PDS5B: variants seen among roughly 807,000 people sequenced by gnomAD.
PDS5B encodes sister chromatid cohesion protein PDS5 homolog B.
Under a neutral mutation model 184.1 loss-of-function variants are expected in PDS5B, and 51 were observed. That is an observed-to-expected ratio of 0.28 (90% CI 0.22 to 0.35). The LOEUF (loss-of-function observed/expected upper bound fraction) is 0.35. Among genes scored for constraint, PDS5B ranks in the 10% least tolerant of loss-of-function variants. The pLI is 1.00. For synonymous variants in PDS5B, 566 were observed against 569.2 expected, an observed-to-expected ratio of 0.99 and a Z score of 0.08; for missense variants, 1,180 against 1,723.3, an observed-to-expected ratio of 0.68 and a Z score of 5.58.
intron 1 of PDS5B, among the ~76,000 whole-genome samples, chr13:32,605,702 C>CT (rs1566240824): frequency 6.6e-6 from 1 of 152,144 alleles, no homozygotes. Context: ...GTGTGGGAGT[C>CT]TAAGTCTCTT....
intron 17 of PDS5B, among the ~76,000 whole-genome samples, chr13:32,706,418 G>T (rs1952018857): frequency 6.6e-6 from 1 of 151,936 alleles, no homozygotes; most frequent in African/African-American, 2.4e-5. Flanking sequence ...TTCTAATGAG[G>T]TTTTATTGTA....
intron 23 of PDS5B, among the ~76,000 whole-genome samples, chr13:32,744,545 A>G (rs1265256112): frequency 6.6e-6 from 1 of 152,158 alleles, no homozygotes; most frequent in Non-Finnish European, 1.5e-5. Context: ...AAAGCTAAAA[A>G]CAACAAAACA....
chr13:32,770,957 C>T (rs549244741), intron 33 of PDS5B, 196 bp downstream of exon 33: 1 of 575,194 alleles, frequency 1.7e-6, no homozygotes, highest in Non-Finnish European at 3.1e-6. Flanking sequence ...CAGGTGCAGG[C>T]AAATCTTCAT....
chr13:32,728,586 T>G (rs1472020128), intron 19 of PDS5B, among the ~76,000 whole-genome samples: 1 of 152,194 alleles, frequency 6.6e-6, no homozygotes, highest in South Asian at 2.1e-4. Context: ...CAGAGCTTCC[T>G]TGGCCTCCCT....
At position 32,773,432 on chromosome 13, in the gene PDS5B, G is replaced by A. The variant is rs1954857948; in HGVS notation, c.4308+108G>A. On this transcript the variant is annotated intron_variant, in intron 34 of 34. Coordinates refer to ENST00000315596, the MANE Select transcript of PDS5B (RefSeq NM_015032.4). ...AGTATTTATATGTTTTACTTCATTA[G>A]TTCATAGCATCATTTTATCTACCAG... 5.3e-6 allele frequency: 5 copies of A among 950,588 alleles called. No homozygotes were observed. The Admixed American group carries it at 8.3e-5, about 16-fold the overall frequency. 58.9% of individuals were successfully genotyped at this position (950,588 alleles called of 1,614,324 possible). A position where few individuals can be genotyped will look rare whatever the true frequency, so the allele number is the denominator to read the frequency against.
chr13:32,759,785 A>T (rs1489559131), intron 29 of PDS5B, 95 bp downstream of exon 29: 1 of 603,348 alleles, frequency 1.7e-6, no homozygotes, highest in Admixed American at 3.3e-5. Context: ...TCAAAAATTT[A>T]TATTTTCAAG....
At chr13:32,757,293 C>A (rs1459127123) in intron 26 of PDS5B, among the ~76,000 whole-genome samples, 1 of 152,102 alleles carries the variant, frequency 6.6e-6, no homozygotes, top group Non-Finnish European at 1.5e-5. Flanking sequence ...TTCTAAGTAG[C>A]CCCAGTGTAG....
At position 32,590,883 on chromosome 13, in the gene PDS5B, C is replaced by T. The variant is rs1042468397; in HGVS notation, c.-20+4290C>T. On this transcript the variant is annotated intron_variant, in intron 1 of 34. Transcript: ENST00000315596. ...GGGCAAATTGCAGGGGTGAGAGTTG[C>T]AGGCCTTAAGTACTCTATTAGGGGA... 4.0e-5 allele frequency among the ~76,000 whole-genome samples: 6 copies of T among 151,236 alleles called. No individual in the cohort carries two copies. The South Asian group carries it at 8.4e-4, about 21-fold the overall frequency.
At chr13:32,739,213 T>G (rs1953451932) in intron 21 of PDS5B, among the ~76,000 whole-genome samples, 1 of 152,066 alleles carries the variant, frequency 6.6e-6, no homozygotes, top group South Asian at 2.1e-4. Context: ...TTTTGCTGCA[T>G]GTTAGGGTTA....
chr13:32,717,801 C>G (rs1304601191), intron 19 of PDS5B, among the ~76,000 whole-genome samples: 1 of 147,016 alleles, frequency 6.8e-6, no homozygotes, highest in East Asian at 2.0e-4. Context: ...AATTCTAATT[C>G]TTTTAATTGT....
At chr13:32,718,154 A>ATTTT (rs142627515) in intron 19 of PDS5B, among the ~76,000 whole-genome samples, 1 of 150,198 alleles carries the variant, frequency 6.7e-6, no homozygotes, top group Non-Finnish European at 1.5e-5. Context: ...AGGGCTTCTG[A>ATTTT]ATTTTTTTTT....
At chr13:32,766,139 G>A (rs535865562) in intron 31 of PDS5B, among the ~76,000 whole-genome samples, 2 of 152,266 alleles carry the variant, frequency 1.3e-5, no homozygotes, top group South Asian at 2.1e-4. Context: ...TGGTCACCAC[G>A]TTGAAAATGC....
chr13:32,679,909 G>GTGTGTCTGTC (rs1555301530), intron 10 of PDS5B, among the ~76,000 whole-genome samples: 3 of 149,390 alleles, frequency 2.0e-5, no homozygotes, highest in African/African-American at 4.9e-5. Flanking sequence ...GTGTGTGTGT[G>GTGTGTCTGTC]TGTGTGTCTG....
At chr13:32,646,980 A>G (rs552645088) in intron 1 of PDS5B, among the ~76,000 whole-genome samples, 22 of 152,156 alleles carry the variant, frequency 1.4e-4, no homozygotes, top group Non-Finnish European at 1.6e-4. Flanking sequence ...TTTAAATGCT[A>G]TTCCTTTCAA....
chr13:32,708,626 A>G (rs1952106092), intron 18 of PDS5B, among the ~76,000 whole-genome samples: 1 of 152,208 alleles, frequency 6.6e-6, no homozygotes. Context: ...AAAATATGGA[A>G]TATAATACAT....
rs2141051199 is a variant in PDS5B, at chr13:32,775,143, A to G, written c.*91A>G. On this transcript the variant is annotated 3_prime_UTR_variant, in exon 35 of 35. Coordinates refer to ENST00000315596, the MANE Select transcript of PDS5B (RefSeq NM_015032.4). ...AGCTTGAGGCTGAATAAAGCCTTTG[A>G]TGCACAAAATGGGACTGCTGAAGAG... The G allele has an allele frequency of 1.9e-6, 2 of 1,063,078 alleles. No individual in the cohort carries two copies. Among genetic ancestry groups the G allele is most frequent in the Non-Finnish European group, 2.7e-6 (2 of 736,980 alleles). The allele number at this position is 1,063,078 out of a possible 1,614,324, so 65.9% of individuals were successfully genotyped here.
rs1045522158 is a variant in PDS5B at position 32,698,806 on chromosome 13, T to G, written c.1601-924T>G. Reference sequence around the variant, plus strand: ...TCTCACTCTGTCGCCTAGGCTGGAGTGCAGTGGCGAGATCTCAGCTCACTG... The same window carrying G: ...TCTCACTCTGTCGCCTAGGCTGGAGGGCAGTGGCGAGATCTCAGCTCACTG... On this transcript the variant is annotated intron_variant, in intron 15 of 34. Coordinates refer to ENST00000315596, the MANE Select transcript of PDS5B (RefSeq NM_015032.4). Among the ~76,000 whole-genome samples the G allele has an allele frequency of 9.2e-5, 14 of 151,508 alleles. No homozygotes were observed. The East Asian group carries it at 2.5e-3, about 27-fold the overall frequency.
At chr13:32,681,858 A>G (rs1328784504) in intron 10 of PDS5B, among the ~76,000 whole-genome samples, 1 of 152,178 alleles carries the variant, frequency 6.6e-6, no homozygotes, top group African/African-American at 2.4e-5. Flanking sequence ...TCCCTTTGAG[A>G]TCCTTAAATA....
intron 14 of PDS5B, among the ~76,000 whole-genome samples, chr13:32,695,260 A>G (rs941136485): frequency 5.9e-5 from 9 of 152,074 alleles, no homozygotes; most frequent in South Asian, 2.1e-4. Flanking sequence ...TAGGTTAACA[A>G]TGACCTCTTT....
Sources: allele counts gnomAD v4.1 joint callset (sites outside exome capture counted in the v4.1 genomes callset), GRCh38; gene constraint gnomAD v4.1.1; transcripts MANE v1.5; gene names NCBI Gene and HGNC (gene_info 2026-07-23, HGNC 2026-07-21).